Variants in NIPBL observed in about 807,000 individuals in gnomAD.
NIPBL encodes nipped-B-like protein.
Under a neutral mutation model 321.8 loss-of-function variants are expected in NIPBL, and 19 were observed. That is an observed-to-expected ratio of 0.06 (90% CI 0.04 to 0.09). The LOEUF is 0.09. NIPBL is among the 10% of genes least tolerant of loss of function. The pLI is 1.00. For synonymous variants in NIPBL, 1,106 were observed against 1,114.1 expected (o/e 0.99, Z 0.14); for missense variants, 2,210 against 3,327.0 (o/e 0.66, Z 8.26).
At chr5:36,926,307 G>T (rs578053350) in intron 1 of NIPBL, among the ~76,000 whole-genome samples, 26 of 152,328 alleles carry the variant, frequency 1.7e-4, no homozygotes, top group African/African-American at 6.3e-4. Context: ...TTGTGGGTCA[G>T]GAATTTAGGC....
intron 1 of NIPBL, among the ~76,000 whole-genome samples, chr5:36,883,960 G>A (rs767025307): frequency 1.3e-4 from 20 of 151,680 alleles, no homozygotes; most frequent in Non-Finnish European, 2.2e-4. Context: ...AGGGTTCTGC[G>A]TATACCTCAG....
rs371144121 is a variant in NIPBL, at chr5:37,001,097, A to G, written c.3664+19A>G. 12 of 1,451,396 alleles carry G rather than the reference A, an allele frequency of 8.3e-6. No individual in the cohort carries two copies. The African/African-American group carries it at 1.5e-4, about 19-fold the overall frequency. 89.9% of individuals were successfully genotyped at this position (1,451,396 alleles called of 1,614,324 possible). A position where few individuals can be genotyped will look rare whatever the true frequency, so the allele number is the denominator to read the frequency against. ...GCGTTTGGTAAAATCAACTTAAAAT[A>G]CATTTACACATACTCTAAGTGTCTT... On this transcript the variant is annotated intron_variant, in intron 14 of 46. Transcript: ENST00000282516.
chr5:36,891,966 T>A (rs1370809734), intron 1 of NIPBL, among the ~76,000 whole-genome samples: 1 of 152,108 alleles, frequency 6.6e-6, no homozygotes, highest in African/African-American at 2.4e-5. Flanking sequence ...CATGTGGGCA[T>A]ATGAGAGTAG....
chr5:36,943,344 C>CCGTA (rs1354124216), intron 1 of NIPBL, among the ~76,000 whole-genome samples: 7 of 151,978 alleles, frequency 4.6e-5, no homozygotes, highest in Admixed American at 4.6e-4. Context: ...TGTGAAAGCA[C>CCGTA]CGTAGACCAA....
intron 1 of NIPBL, among the ~76,000 whole-genome samples, chr5:36,892,587 A>G (rs986914868): frequency 1.3e-5 from 2 of 152,200 alleles, no homozygotes; most frequent in African/African-American, 4.8e-5. Context: ...GCACATATAC[A>G]CCATGGAATA....
intron 9 of NIPBL, among the ~76,000 whole-genome samples, chr5:36,982,658 A>C: frequency 6.6e-6 from 1 of 151,846 alleles, no homozygotes; most frequent in East Asian, 1.9e-4. Context: ...TTTCTTTGAA[A>C]TTAACTTACT....
At chr5:36,965,726 C>T (rs1033738205) in intron 6 of NIPBL, among the ~76,000 whole-genome samples, 1 of 152,090 alleles carries the variant, frequency 6.6e-6, no homozygotes, top group African/African-American at 2.4e-5. Context: ...ATCTGAATTA[C>T]ACTGATGCAA....
intron 34 of NIPBL, 62 bp from the exon 35 acceptor site, chr5:37,044,285 A>G: frequency 1.4e-6 from 2 of 1,479,700 alleles, no homozygotes; most frequent in South Asian, 2.3e-5. Context: ...AAATACGTAA[A>G]GCTGTATATA....
chr5:37,058,942 A>T lies in NIPBL; in HGVS notation c.7462A>T (p.Asn2488Tyr). Reference protein sequence around the residue: ...KERKSSPSKENESSDSEEEVS... With the variant: ...KERKSSPSKEYESSDSEEEVS... Reference sequence around the variant, plus strand: ...GAGAAAATCATCACCTAGTAAGGAAAATGAGTCAAGCGACAGTGAAGAAGA... The same window carrying T: ...GAGAAAATCATCACCTAGTAAGGAATATGAGTCAAGCGACAGTGAAGAAGA... The change falls in exon 44 of 47, where the codon AAT (asparagine) becomes TAT (tyrosine). Residue 2488 changes from asparagine to tyrosine, a missense_variant. By Grantham distance (143) the Asn-to-Tyr change is moderately radical. Around this residue, in one of 14 missense-constraint regions of NIPBL, gnomAD observed 79 missense variants for 90.8 expected, o/e 0.87. Coordinates refer to ENST00000282516, the MANE Select transcript of NIPBL (RefSeq NM_133433.4). 6.2e-7 allele frequency: 1 copy of T among 1,614,214 alleles called. No individual in the cohort carries two copies. Among genetic ancestry groups the T allele is most frequent in the African/African-American group, 1.3e-5 (1 of 75,062 alleles).
At chr5:37,022,442 C>G in intron 29 of NIPBL, 52 bp downstream of exon 29, 1 of 1,510,982 alleles carries the variant, frequency 6.6e-7, no homozygotes, top group Non-Finnish European at 9.0e-7. Flanking sequence ...GCCTTTCAAG[C>G]ATCATGTTTT....
At chr5:36,900,149 A>G (rs537871094) in intron 1 of NIPBL, among the ~76,000 whole-genome samples, 18 of 152,252 alleles carry the variant, frequency 1.2e-4, no homozygotes, top group African/African-American at 4.1e-4. Context: ...TTCATATTTG[A>G]GAGTCACACA....
intron 1 of NIPBL, among the ~76,000 whole-genome samples, chr5:36,896,931 G>A (rs1250051386): frequency 6.6e-6 from 1 of 151,558 alleles, no homozygotes; most frequent in Non-Finnish European, 1.5e-5. Flanking sequence ...TACAAATATT[G>A]CATTTCTTTT....
intron 1 of NIPBL, among the ~76,000 whole-genome samples, chr5:36,930,486 A>G (rs1219350777): frequency 6.6e-6 from 1 of 152,006 alleles, no homozygotes; most frequent in Non-Finnish European, 1.5e-5. Flanking sequence ...GGACAGTGTC[A>G]TCTGATAATG....
intron 37 of NIPBL, among the ~76,000 whole-genome samples, chr5:37,045,901 A>G (rs1396752733): frequency 2.0e-5 from 3 of 152,220 alleles, no homozygotes; most frequent in Admixed American, 1.3e-4. Context: ...GAAGGAAACA[A>G]TGCACTGATT....
In NIPBL at chr5:36,962,033, A is replaced by G. The variant is rs1580339716; in HGVS notation, c.459-90A>G. ...ATAGATTTTACATATATAAACTAAG[A>G]GATCAGAGGACTTTGTGACAGTCAG... On this transcript the variant is annotated intron_variant, in intron 5 of 46. Coordinates refer to ENST00000282516, the MANE Select transcript of NIPBL (RefSeq NM_133433.4). The G allele has an allele frequency of 2.9e-6, 4 of 1,391,784 alleles. No homozygotes were observed. In the East Asian group the frequency reaches 9.2e-5, roughly 32 times the overall value. 86.2% of individuals were successfully genotyped at this position (1,391,784 alleles called of 1,614,324 possible).
chr5:36,952,047 TGTGTGTGCGCGCGCGC>T (rs1164239007), intron 1 of NIPBL, among the ~76,000 whole-genome samples: 3 of 116,090 alleles, frequency 2.6e-5, no homozygotes, highest in East Asian at 2.5e-4. Context: ...TGTGTGTGTG[TGTGTGTGCGCGCGCGC>T]GCGCGCGCGC....
chr5:37,015,264 C>T (rs930039386), intron 22 of NIPBL, among the ~76,000 whole-genome samples: 2 of 152,100 alleles, frequency 1.3e-5, no homozygotes, highest in African/African-American at 4.8e-5. Flanking sequence ...GCCGGGATTA[C>T]AGGCATGCAC....
rs971672166 is a variant in NIPBL at position 37,029,332 on chromosome 5, A to G, written c.5862+1920A>G. Among the ~76,000 whole-genome samples the G allele has an allele frequency of 4.6e-5, 7 of 152,320 alleles. No homozygotes were observed. In the East Asian group the frequency reaches 1.2e-3, roughly 25 times the overall value. ...ACATTGTTCCTATCAATGGAGTCATACAGTATGTAATCTTGTGTTTGACTT... is the reference window on the plus strand; with the variant it reads ...ACATTGTTCCTATCAATGGAGTCATGCAGTATGTAATCTTGTGTTTGACTT... On this transcript the variant is annotated intron_variant, in intron 32 of 46. Transcript: ENST00000282516.
chr5:36,970,752 C>T, intron 6 of NIPBL, 124 bp from the exon 7 acceptor site: 4 of 829,770 alleles, frequency 4.8e-6, no homozygotes, highest in Non-Finnish European at 7.9e-6. Context: ...CTAGTCAGTA[C>T]ATGAGTATCT....
Sources: gnomAD v4.1 joint callset for allele counts (sites outside exome capture counted in the v4.1 genomes callset) on GRCh38, gnomAD v4.1.1 for gene constraint, gnomAD v4.1.1 regional missense constraint, MANE v1.5 for transcripts, NCBI Gene and HGNC (gene_info 2026-07-23, HGNC 2026-07-21) for gene names.